The following PRKG1 variants were observed in gnomAD, a reference collection of about 807,000 sequenced individuals.
The protein encoded by PRKG1 is protein kinase cGMP-dependent 1.
A neutral mutation model predicts 88.1 loss-of-function variants in PRKG1; 35 were observed. That is an observed-to-expected ratio of 0.40 (90% CI 0.30 to 0.53). PRKG1 has a LOEUF of 0.53. PRKG1 is among the 20% of genes least tolerant of loss of function. The pLI is 0.59. For missense variants in PRKG1, 540 were observed against 839.8 expected, an observed-to-expected ratio of 0.64 and a Z score of 4.41; for synonymous variants, 303 against 292.5, an observed-to-expected ratio of 1.04 and a Z score of -0.37.
chr10:51,369,605 AGC>A (rs951933431), intron 2 of PRKG1, among the ~76,000 whole-genome samples: 22 of 152,140 alleles, frequency 1.4e-4, no homozygotes, highest in Admixed American at 1.3e-4. Context: ...AAGGCTGTAC[AGC>A]TTCTTGGTTG....
intron 2 of PRKG1, among the ~76,000 whole-genome samples, chr10:51,410,074 C>T (rs1838036779): frequency 6.6e-6 from 1 of 151,868 alleles, no homozygotes; most frequent in Non-Finnish European, 1.5e-5. Flanking sequence ...GTTGCAGAAA[C>T]TTTTCCTGTT....
intron 9 of PRKG1, among the ~76,000 whole-genome samples, chr10:52,162,729 G>T (rs192599664): frequency 6.6e-6 from 1 of 152,166 alleles, no homozygotes; most frequent in African/African-American, 2.4e-5. Context: ...TTTGCTTTGA[G>T]AATCCATGAA....
Position 51,255,730 on chromosome 10 carries a change from G to GC in PRKG1, c.478+102401dup, listed in dbSNP as rs1352629703. Among the ~76,000 whole-genome samples the GC allele has an allele frequency of 2.8e-3, 431 of 152,120 alleles. 1 individual carries two copies. Among genetic ancestry groups the GC allele is most frequent in the African/African-American group, 8.4e-3 (347 of 41,488 alleles). ...TGAGGCACTTTTATTAAATGGTTAG[G>GC]CTTTATGCCAGAGATGAGCAAATAC... On this transcript the variant is annotated intron_variant, in intron 2 of 17. Transcript: ENST00000373980.
intron 3 of PRKG1, among the ~76,000 whole-genome samples, chr10:51,651,633 G>T (rs1046463351): frequency 6.6e-6 from 1 of 151,120 alleles, no homozygotes; most frequent in Admixed American, 6.6e-5. Context: ...CACCAGGCTG[G>T]AGTACAGTGG....
At chr10:51,516,846 C>T (rs925641026) in intron 3 of PRKG1, among the ~76,000 whole-genome samples, 1 of 152,070 alleles carries the variant, frequency 6.6e-6, no homozygotes, top group Non-Finnish European at 1.5e-5. Context: ...TTTGTACATT[C>T]GTTGAGCTTA....
At chr10:51,014,433 G>C (rs1843031973) in intron 1 of PRKG1, among the ~76,000 whole-genome samples, 2 of 151,682 alleles carry the variant, frequency 1.3e-5, no homozygotes, top group Non-Finnish European at 2.9e-5. Flanking sequence ...TTGATGGCTT[G>C]GTAGTGAGGC....
At chr10:51,009,336 T>C (rs1564569323) in intron 1 of PRKG1, among the ~76,000 whole-genome samples, 1 of 152,202 alleles carries the variant, frequency 6.6e-6, no homozygotes, top group Non-Finnish European at 1.5e-5. Context: ...AACACAGTTA[T>C]ATTTAGGGAT....
rs1589761666 is a variant in PRKG1, at chr10:52,288,730, C to A, written c.1714C>A (p.Pro572Thr). The A allele has an allele frequency of 1.3e-6, 2 of 1,575,958 alleles. No homozygotes were observed. Among genetic ancestry groups the A allele is most frequent in the Non-Finnish European group, 1.7e-6 (2 of 1,168,760 alleles). The change falls in exon 15 of 18, where the codon CCT (proline) becomes ACT (threonine). Residue 572 changes from proline (P) to threonine (T), a missense_variant. By Grantham distance (38) the Pro-to-Thr change is conservative. Around this residue, in one of 5 missense-constraint regions of PRKG1, gnomAD observed 97 missense variants for 210.6 expected, o/e 0.46. Coordinates refer to ENST00000373980, the MANE Select transcript of PRKG1 (RefSeq NM_006258.4). Reference sequence around the variant, plus strand: ...TCGTGTCTCTCATTCTTGCAGCCCACCTTTCTCAGGCCCAGATCCTATGAA... The same window carrying A: ...TCGTGTCTCTCATTCTTGCAGCCCAACTTTCTCAGGCCCAGATCCTATGAA... The part of the protein sequence containing the change: ...LMYELLTGSP[P>T]FSGPDPMKTY...
intron 4 of PRKG1, 116 bp downstream of exon 4, chr10:51,804,806 C>G: frequency 1.5e-6 from 1 of 674,208 alleles, no homozygotes; most frequent in Non-Finnish European, 2.6e-6. Flanking sequence ...TCATAATAGT[C>G]TACAAATGTG....
intron 8 of PRKG1, among the ~76,000 whole-genome samples, chr10:52,136,203 C>T (rs1837414212): frequency 1.3e-5 from 2 of 151,992 alleles, no homozygotes; most frequent in Admixed American, 6.6e-5. Context: ...TACAAGTATC[C>T]AGGAAGTTGG....
At chr10:51,689,175 T>G (rs1564607381) in intron 3 of PRKG1, among the ~76,000 whole-genome samples, 1 of 152,156 alleles carries the variant, frequency 6.6e-6, no homozygotes, top group Non-Finnish European at 1.5e-5. Flanking sequence ...GGGGTATGTA[T>G]TTATCAGCAG....
At chr10:51,774,859 T>A (rs1196902635) in intron 3 of PRKG1, among the ~76,000 whole-genome samples, 2 of 152,140 alleles carry the variant, frequency 1.3e-5, no homozygotes, top group Non-Finnish European at 2.9e-5. Flanking sequence ...TAAATTAATG[T>A]GCAAATGGAA....
chr10:52,234,450 C>T (rs1840623107), intron 9 of PRKG1, among the ~76,000 whole-genome samples: 1 of 151,330 alleles, frequency 6.6e-6, no homozygotes, highest in East Asian at 1.9e-4. Context: ...CTAGAATAAC[C>T]AATACAGAGA....
At chr10:51,393,017 C>T (rs1265713635) in intron 2 of PRKG1, among the ~76,000 whole-genome samples, 6 of 151,506 alleles carry the variant, frequency 4.0e-5, no homozygotes, top group Non-Finnish European at 8.9e-5. Flanking sequence ...TCCTCACTTC[C>T]CAGACGGGGT....
chr10:51,316,677 C>T (rs1263736720), intron 2 of PRKG1, among the ~76,000 whole-genome samples: 4 of 140,332 alleles, frequency 2.9e-5, no homozygotes, highest in East Asian at 2.0e-4. Flanking sequence ...AGCAAGACTC[C>T]GTCTCAAAAA....
chr10:51,115,372 C>CATATATATATATATATATAT (rs57104400), intron 1 of PRKG1, among the ~76,000 whole-genome samples: 1,075 of 31,814 alleles, frequency 0.034, 72 homozygotes, highest in Middle Eastern at 0.14. Context: ...TTCCTTTAAA[C>CATATATATATATATATATAT]ATATATATAT....
At chr10:51,324,066 C>A (rs1841521363) in intron 2 of PRKG1, among the ~76,000 whole-genome samples, 1 of 152,062 alleles carries the variant, frequency 6.6e-6, no homozygotes, top group African/African-American at 2.4e-5. Flanking sequence ...ATTGGGATAT[C>A]CATCTCCTCA....
chr10:51,537,915 G>A (rs1478123087), intron 3 of PRKG1, among the ~76,000 whole-genome samples: 1 of 152,082 alleles, frequency 6.6e-6, no homozygotes, highest in Admixed American at 6.6e-5. Context: ...AAAGCTCCAT[G>A]AGTGTCTCAC....
intron 3 of PRKG1, among the ~76,000 whole-genome samples, chr10:51,739,834 G>T (rs758453128): frequency 6.6e-6 from 1 of 152,104 alleles, no homozygotes; most frequent in Non-Finnish European, 1.5e-5. Context: ...TTAGCCAAGC[G>T]TGGTGGCGCA....
Sources: allele counts gnomAD v4.1 joint callset (sites outside exome capture counted in the v4.1 genomes callset), GRCh38; gene constraint gnomAD v4.1.1; regional missense constraint gnomAD v4.1.1; transcripts MANE v1.5; gene names NCBI Gene and HGNC (gene_info 2026-07-23, HGNC 2026-07-21).